CROCC2: variants seen among roughly 807,000 people sequenced by gnomAD.
CROCC2 encodes ciliary rootlet coiled-coil protein 2.
In CROCC2, 163 loss-of-function variants were observed where a neutral mutation model predicts 177.6. The ratio of observed to expected loss-of-function variants is 0.92; its 90% CI spans 0.81 to 1.05. The LOEUF (loss-of-function observed/expected upper bound fraction) is 1.05. CROCC2 is among the 50% of genes least tolerant of loss of function. The pLI is 0.00. For missense variants in CROCC2, 1,929 were observed against 1,797.8 expected (o/e 1.07, Z -1.32); for synonymous variants, 904 against 787.3 (o/e 1.15, Z -2.48).
chr2:240,969,384 C>T (rs2059706556), intron 27 of CROCC2, among the ~76,000 whole-genome samples: 1 of 152,162 alleles, frequency 6.6e-6, no homozygotes, highest in Admixed American at 6.5e-5. Context: ...GTGGCTTCTG[C>T]AGGGGAGAGG....
At position 240,972,453 on chromosome 2, in the gene CROCC2, C is replaced by A. The variant is rs1261875839; in HGVS notation, c.4401+4191C>A. Among the ~76,000 whole-genome samples the A allele has an allele frequency of 6.6e-6, 1 of 152,122 alleles. No homozygotes were observed. The highest frequency in any genetic ancestry group is 1.5e-5 in the Non-Finnish European group (1 of 68,036). On this transcript the variant is annotated intron_variant, in intron 27 of 31. Transcript: ENST00000690015. This position sits in a 1 kb window ranked among gnomAD's most constrained non-coding sequence, Gnocchi z 7.1. Reference sequence around the variant, plus strand: ...TGGAGGGCTCCCCGGGTCCCCCAGCCACAGCAACCCTCTTCCCTGAGGTCC... The same window carrying A: ...TGGAGGGCTCCCCGGGTCCCCCAGCAACAGCAACCCTCTTCCCTGAGGTCC...
At chr2:240,938,027 T>C (rs1352380197) in intron 14 of CROCC2, among the ~76,000 whole-genome samples, 1 of 152,258 alleles carries the variant, frequency 6.6e-6, no homozygotes, top group Non-Finnish European at 1.5e-5. Flanking sequence ...GCCTGTGAAC[T>C]GTGAGTCTGT....
At chr2:240,956,374 G>A (rs1408350367) in intron 19 of CROCC2, 12 of 203,826 alleles carry the variant, frequency 5.9e-5, no homozygotes, top group East Asian at 3.5e-4. Flanking sequence ...ACTCACCAGA[G>A]AGATCCTTCC....
chr2:240,934,755 T>C (rs1454774477), intron 12 of CROCC2, among the ~76,000 whole-genome samples, 161 bp from the exon 13 acceptor site: 2 of 152,214 alleles, frequency 1.3e-5, no homozygotes, highest in African/African-American at 4.8e-5. Flanking sequence ...GGAGCCACCA[T>C]TGGCCCTGAG....
In CROCC2 at chr2:240,933,367, G is replaced by A. The variant is rs775302521; in HGVS notation, c.1463+25G>A. 8.3e-5 allele frequency: 123 copies of A among 1,481,176 alleles called. 3 individuals are homozygous for A. The South Asian group carries it at 1.6e-3, about 20-fold the overall frequency. 91.8% of individuals were successfully genotyped at this position (1,481,176 alleles called of 1,614,324 possible). A position where few individuals can be genotyped will look rare whatever the true frequency, so the allele number is the denominator to read the frequency against. Reference sequence around the variant, plus strand: ...GGTAATGGGGTGAAGGGGTTGCACGGCCTTGCACAGGGTGTATGGGATCCT... The same window carrying A: ...GGTAATGGGGTGAAGGGGTTGCACGACCTTGCACAGGGTGTATGGGATCCT... On this transcript the variant is annotated intron_variant, in intron 10 of 31. Transcript: ENST00000690015.
At position 240,918,536 on chromosome 2, in the gene CROCC2, C is replaced by T. The variant is rs113993074; in HGVS notation, c.79-190C>T. 6.6e-6 allele frequency among the ~76,000 whole-genome samples: 1 copy of T among 152,232 alleles called. No homozygotes were observed. Among genetic ancestry groups the T allele is most frequent in the Non-Finnish European group, 1.5e-5 (1 of 68,030 alleles). ...CCTCTCCAGAACCTGGGGACAGGCG[C>T]AGCCCCACTCCGCAGGTGCAGAACC... On this transcript the variant is annotated intron_variant, in intron 1 of 31. Transcript: ENST00000690015. The surrounding 1 kb of genome is among the most constrained non-coding windows in gnomAD (Gnocchi z 6.3).
At position 240,976,106 on chromosome 2, in the gene CROCC2, G is replaced by A. The variant is rs73107868; in HGVS notation, c.4402-6774G>A. Among the ~76,000 whole-genome samples the A allele has an allele frequency of 2.5e-3, 388 of 152,366 alleles. 2 individuals are homozygous for A. The highest frequency in any genetic ancestry group is 8.8e-3 in the African/African-American group (365 of 41,584). On this transcript the variant is annotated intron_variant, in intron 27 of 31. Transcript: ENST00000690015. ...TGCCCCAGATGGGGAGACTGACACT[G>A]CAGCCCCACATGCTGGCTCCAAGAC... is the stretch of plus-strand genomic sequence containing the variant.
At position 240,955,970 on chromosome 2, in the gene CROCC2, C is replaced by T. The variant is rs1181470329; in HGVS notation, c.2941C>T (p.Gln981Ter). 1 of 1,533,928 alleles carries T rather than the reference C, an allele frequency of 6.5e-7. No homozygotes were observed. Among genetic ancestry groups the T allele is most frequent in the Admixed American group, 2.0e-5 (1 of 51,010 alleles). ...GGCACAGAGCCAGCAGGAGCAAGCG[C>T]AGGTGAGCCCCATGCAGCCAGGCCA... ...QEAQSQQEQAQATISATTEEL... is the reference protein window; with the variant it reads ...QEAQSQQEQA Residue 981 changes from glutamine (Q) to a stop codon, truncating the protein, a stop_gained and splice_region_variant, in exon 19 of 32, where the codon CAG becomes TAG. Coordinates refer to ENST00000690015, the MANE Select transcript of CROCC2 (RefSeq NM_001351305.2). LOFTEE classifies it high-confidence loss of function.
rs762802138 is a variant in CROCC2, at chr2:240,933,858, C to A, written c.1646+6C>A. 52 of 1,540,998 alleles carry A rather than the reference C, an allele frequency of 3.4e-5. No homozygotes were observed. The highest frequency in any genetic ancestry group is 4.2e-5 in the Non-Finnish European group (48 of 1,141,918). ...TGCAGGGCACTGGAGACCAGGTGCG[C>A]GGCCGTGGCTGGGTGGGCAGGGCCC... On this transcript the variant is annotated splice_donor_region_variant and intron_variant, in intron 11 of 31. Coordinates refer to ENST00000690015, the MANE Select transcript of CROCC2 (RefSeq NM_001351305.2).
Position 240,993,167 on chromosome 2 carries a change from C to G in CROCC2, c.*86C>G. 1.4e-6 allele frequency: 1 copy of G among 698,056 alleles called. No individual in the cohort carries two copies. The highest frequency in any genetic ancestry group is 1.5e-5 in the South Asian group (1 of 66,008). The allele number at this position is 698,056 out of a possible 1,614,324, so 43.2% of individuals were successfully genotyped here. On this transcript the variant is annotated 3_prime_UTR_variant, in exon 32 of 32. Transcript: ENST00000690015. The stretch of plus-strand genomic sequence containing the variant: ...GGGAGGGGCCCAGCTGATTTCTCAG[C>G]GTCACAGTGAAAGGCACCCGTGATG...
chr2:240,935,865 C>T (rs994754383), intron 14 of CROCC2, among the ~76,000 whole-genome samples: 1 of 152,242 alleles, frequency 6.6e-6, no homozygotes, highest in Non-Finnish European at 1.5e-5. Context: ...GCACACTGGG[C>T]TCTTAGTGAG....
chr2:240,986,426 C>T (rs79264696), intron 28 of CROCC2, among the ~76,000 whole-genome samples: 2,168 of 152,114 alleles, frequency 0.014, 27 homozygotes, highest in Non-Finnish European at 0.023. Context: ...GCCACCCTTG[C>T]TCATGCAGCC....
At chr2:240,950,608 G>A in intron 18 of CROCC2, 98 bp downstream of exon 18, 1 of 1,280,868 alleles carries the variant, frequency 7.8e-7, no homozygotes, top group Non-Finnish European at 1.1e-6. Context: ...ACCTTAGGCA[G>A]GTCCAACCGC....
chr2:240,919,923 C>G (rs557824217), intron 2 of CROCC2, 60 bp from the exon 3 acceptor site: 1 of 700,976 alleles, frequency 1.4e-6, no homozygotes, highest in African/African-American at 1.8e-5. Context: ...AGACAGGGCA[C>G]AAGGCTGAGT....
In CROCC2 at chr2:240,958,667, C is replaced by A; in HGVS notation, c.2944-634C>A. On this transcript the variant is annotated intron_variant, in intron 19 of 31. Transcript: ENST00000690015. The surrounding 1 kb of genome is among the most constrained non-coding windows in gnomAD (Gnocchi z 6.7). ...AGCCTGAGCAGGGCAGGGCTCGGAC[C>A]CTTCATGTTGAGGACACTGAGGCCC... 1 of 869,134 alleles carries A rather than the reference C, an allele frequency of 1.2e-6. No homozygotes were observed. Among genetic ancestry groups the A allele is most frequent in the African/African-American group, 1.8e-5 (1 of 54,992 alleles). 53.8% of individuals were successfully genotyped at this position (869,134 alleles called of 1,614,324 possible). A position where few individuals can be genotyped will look rare whatever the true frequency, so the allele number is the denominator to read the frequency against.
chr2:240,907,635 T>A (rs2059264590), intron 1 of CROCC2, among the ~76,000 whole-genome samples: 1 of 152,168 alleles, frequency 6.6e-6, no homozygotes, highest in South Asian at 2.1e-4. Flanking sequence ...CAGGGCTGCA[T>A]GAGGACTAAG....
intron 3 of CROCC2, among the ~76,000 whole-genome samples, chr2:240,921,763 C>G (rs867221982): frequency 2.0e-5 from 3 of 152,258 alleles, no homozygotes; most frequent in African/African-American, 7.2e-5. Context: ...ACGCCACCTT[C>G]TCTTCCAGCT....
At chr2:240,940,013 A>G (rs1559598205) in intron 14 of CROCC2, among the ~76,000 whole-genome samples, 1 of 152,204 alleles carries the variant, frequency 6.6e-6, no homozygotes, top group Non-Finnish European at 1.5e-5. Context: ...GCATTGTTCT[A>G]TAAATATAAA....
intron 18 of CROCC2, among the ~76,000 whole-genome samples, chr2:240,951,195 CCATT>C (rs2059553961): frequency 2.0e-5 from 3 of 152,086 alleles, no homozygotes; most frequent in South Asian, 2.1e-4. Flanking sequence ...ATCTGTCCAT[CCATT>C]CATTCATCCA....
Sources: gnomAD v4.1 joint callset for allele counts (sites outside exome capture counted in the v4.1 genomes callset) on GRCh38, gnomAD v4.1.1 for gene constraint, Gnocchi (gnomAD v3.1) non-coding constraint, MANE v1.5 for transcripts, NCBI Gene and HGNC (gene_info 2026-07-23, HGNC 2026-07-21) for gene names.